Variants in TENM1 observed in about 807,000 individuals in gnomAD.
The protein encoded by TENM1 is teneurin transmembrane protein 1, also known as teneurin-1.
A neutral mutation model predicts 174.8 loss-of-function variants in TENM1; 35 were observed. That is an observed-to-expected ratio of 0.20 (90% CI 0.15 to 0.27). The LOEUF (loss-of-function observed/expected upper bound fraction) is 0.27, where lower values mean the gene tolerates loss of function less well. Among genes scored for constraint, TENM1 ranks in the 10% least tolerant of loss-of-function variants. The probability of loss-of-function intolerance (pLI) is 1.00; values close to 1 mark genes in which losing one functional copy is unlikely to be tolerated. For synonymous variants in TENM1, 781 were observed against 798.7 expected (o/e 0.98, Z 0.37); for missense variants, 1,633 against 2,130.1 (o/e 0.77, Z 4.59).
chrX:125,108,965 G>A, the TENM1 span, among the ~76,000 whole-genome samples: 1 of 110,386 alleles, frequency 9.1e-6, no homozygotes, highest in South Asian at 3.9e-4. Context: ...TAGACTTTGT[G>A]GGACTCCCTG....
chrX:124,660,143 G>C (rs1284753396), intron 6 of TENM1, among the ~76,000 whole-genome samples: 4 of 111,053 alleles, frequency 3.6e-5, no homozygotes, highest in Non-Finnish European at 7.5e-5. Context: ...GGGAGGCCGA[G>C]ACGGGTGGAT....
intron 6 of TENM1, among the ~76,000 whole-genome samples, chrX:124,664,046 C>A (rs1424210046): frequency 9.0e-6 from 1 of 111,450 alleles, no homozygotes; most frequent in Non-Finnish European, 1.9e-5. Context: ...ATCTATATAG[C>A]ATTATAGGAA....
intron 5 of TENM1, among the ~76,000 whole-genome samples, chrX:124,700,604 C>T (rs192094550): frequency 9.0e-6 from 1 of 111,149 alleles, no homozygotes; most frequent in East Asian, 2.8e-4. Flanking sequence ...AAGAGTTGGG[C>T]TTTGGTAAGC....
At chrX:125,143,677 C>T in the TENM1 span, among the ~76,000 whole-genome samples, 4 of 110,976 alleles carry the variant, frequency 3.6e-5, no homozygotes, top group East Asian at 5.6e-4. Flanking sequence ...TGAATTTTTC[C>T]GACATTGTGA....
intron 23 of TENM1, among the ~76,000 whole-genome samples, chrX:124,429,402 C>T (rs1439175118): frequency 1.8e-5 from 2 of 110,892 alleles, no homozygotes; most frequent in Non-Finnish European, 3.8e-5. Flanking sequence ...AAGGCAGATA[C>T]AGAAATAGAT....
intron 11 of TENM1, among the ~76,000 whole-genome samples, chrX:124,605,735 G>A (rs2050139852): frequency 9.0e-6 from 1 of 111,442 alleles, no homozygotes. Context: ...AATATGGAAT[G>A]TGATCTACTG....
At chrX:124,731,113 T>C (rs949452871) in intron 4 of TENM1, among the ~76,000 whole-genome samples, 4 of 111,081 alleles carry the variant, frequency 3.6e-5, no homozygotes, top group African/African-American at 1.3e-4. Flanking sequence ...ATGATGAAAA[T>C]AATGCTAAGA....
intron 3 of TENM1, among the ~76,000 whole-genome samples, chrX:124,752,974 G>A (rs1315928432): frequency 1.8e-4 from 20 of 110,835 alleles, no homozygotes; most frequent in Admixed American, 9.6e-4. Flanking sequence ...TTGGCGATGC[G>A]GGCTCTTTTT....
At chrX:124,655,694 A>G (rs929233153) in intron 6 of TENM1, among the ~76,000 whole-genome samples, 2 of 112,577 alleles carry the variant, frequency 1.8e-5, no homozygotes, top group East Asian at 2.8e-4. Flanking sequence ...AGTAATAACT[A>G]TTTTAAGAAT....
chrX:124,769,668 G>C lies in TENM1; in HGVS notation c.536-32471C>G, dbSNP rs142870711. Among the ~76,000 whole-genome samples, 737 of 112,164 alleles carry C rather than the reference G, an allele frequency of 6.6e-3. 7 individuals carry two copies. Among genetic ancestry groups the C allele is most frequent in the African/African-American group, 0.022 (692 of 30,973 alleles). On this transcript the variant is annotated intron_variant, in intron 3 of 31. Coordinates refer to ENST00000422452, the Ensembl canonical transcript of TENM1. ...ATTTATGATACTTTAGTAAATATTT[G>C]TATGAAGATTTTGCGTAAAGTTAAA...
chrX:125,181,545 G>C, the TENM1 span, among the ~76,000 whole-genome samples: 4 of 111,753 alleles, frequency 3.6e-5, no homozygotes, highest in Non-Finnish European at 7.5e-5. Flanking sequence ...TAACTTGTTA[G>C]GATATTAGTG....
chrX:124,554,973 A>C (rs775608647), intron 14 of TENM1, among the ~76,000 whole-genome samples: 1 of 112,341 alleles, frequency 8.9e-6, no homozygotes, highest in South Asian at 3.7e-4. Context: ...TTAAAAGATC[A>C]GAGAAAAAAA....
At chrX:124,609,619 A>T (rs1197696304) in intron 11 of TENM1, among the ~76,000 whole-genome samples, 2 of 111,937 alleles carry the variant, frequency 1.8e-5, no homozygotes, top group African/African-American at 6.5e-5. Flanking sequence ...AACTGAAATT[A>T]ATCAAAAGAT....
intron 18 of TENM1, among the ~76,000 whole-genome samples, chrX:124,518,539 T>C (rs769092498): frequency 9.0e-6 from 1 of 111,092 alleles, no homozygotes; most frequent in South Asian, 3.9e-4. Context: ...TGCTTTATAC[T>C]ATGTGATCAC....
At chrX:124,525,418 T>A (rs913431618) in intron 16 of TENM1, among the ~76,000 whole-genome samples, 1 of 112,213 alleles carries the variant, frequency 8.9e-6, no homozygotes, top group African/African-American at 3.2e-5. Context: ...AAGAAACCTT[T>A]CCTCTAGTTC....
the TENM1 span, among the ~76,000 whole-genome samples, chrX:125,014,754 T>A: frequency 1.6e-4 from 18 of 111,477 alleles, no homozygotes; most frequent in African/African-American, 5.9e-4. Flanking sequence ...ATCTTTAGAG[T>A]AGTGTTATAT....
chrX:124,812,261 A>C (rs1235982855), intron 3 of TENM1, among the ~76,000 whole-genome samples: 4 of 111,478 alleles, frequency 3.6e-5, no homozygotes, highest in African/African-American at 1.3e-4. Context: ...TGTACATGAT[A>C]AATATAATTT....
intron 11 of TENM1, among the ~76,000 whole-genome samples, chrX:124,607,487 A>T (rs924368568): frequency 9.0e-6 from 1 of 111,431 alleles, no homozygotes; most frequent in Non-Finnish European, 1.9e-5. Flanking sequence ...GTTCTAAAAC[A>T]GGAGCATTAT....
Position 124,751,217 on chromosome X carries a change from T to TA in TENM1, c.536-14021dup, listed in dbSNP as rs764388148. On this transcript the variant is annotated intron_variant, in intron 3 of 31. Transcript: ENST00000422452. ...ATTTACAAATGAAATATTATGTACC[T>TA]AAAAAAAATTCTTATTTAATACAAT... Among the ~76,000 whole-genome samples, 280 of 111,531 alleles carry TA rather than the reference T, an allele frequency of 2.5e-3. 1 individual carries two copies. The highest frequency in any genetic ancestry group is 8.8e-3 in the African/African-American group (270 of 30,688).
Sources: allele counts gnomAD v4.1 joint callset (sites outside exome capture counted in the v4.1 genomes callset), GRCh38; gene constraint gnomAD v4.1.1; transcripts MANE v1.5; gene names NCBI Gene and HGNC (gene_info 2026-07-23, HGNC 2026-07-21).